ZNF704: variants seen among roughly 807,000 people sequenced by gnomAD.
ZNF704 encodes the protein zinc finger protein 704, also known as glucocorticoid induced gene 1.
A neutral mutation model predicts 44.7 loss-of-function variants in ZNF704; 10 were observed. The ratio of observed to expected loss-of-function variants is 0.22; its 90% CI spans 0.14 to 0.38. ZNF704 has a LOEUF of 0.38. Among genes scored for constraint, ZNF704 ranks in the 10% least tolerant of loss-of-function variants. The pLI is 1.00. For synonymous variants in ZNF704, 211 were observed against 207.6 expected (o/e 1.02, Z -0.14); for missense variants, 390 against 545.5 (o/e 0.71, Z 2.84).
intron 7 of ZNF704, among the ~76,000 whole-genome samples, chr8:80,653,366 AG>A (rs1356179049): frequency 1.3e-5 from 2 of 152,220 alleles, no homozygotes; most frequent in Non-Finnish European, 2.9e-5. Context: ...TTAGGAAAAG[AG>A]GAAGTCAAAT....
intron 2 of ZNF704, among the ~76,000 whole-genome samples, chr8:80,799,918 TA>T (rs997589400): frequency 2.6e-5 from 4 of 151,432 alleles, no homozygotes; most frequent in South Asian, 2.1e-4. Flanking sequence ...CTAAGAGTCA[TA>T]AAAAAAACAA....
chr8:80,813,632 C>T (rs1005439018), intron 2 of ZNF704, among the ~76,000 whole-genome samples: 1 of 152,148 alleles, frequency 6.6e-6, no homozygotes, highest in Non-Finnish European at 1.5e-5. Context: ...AATCCCAGCA[C>T]TTTGGGAGGC....
chr8:80,734,194 G>C (rs913984308), intron 2 of ZNF704, among the ~76,000 whole-genome samples: 3 of 152,134 alleles, frequency 2.0e-5, no homozygotes, highest in African/African-American at 7.2e-5. Context: ...TAGACAAGCT[G>C]GCCATTGCTT....
At chr8:80,681,203 C>A (rs1187529346) in intron 4 of ZNF704, among the ~76,000 whole-genome samples, 1 of 152,038 alleles carries the variant, frequency 6.6e-6, no homozygotes, top group Non-Finnish European at 1.5e-5. Flanking sequence ...TTTTTGTGGA[C>A]ATGTGTTTTC....
At chr8:80,722,364 G>A (rs1303708183) in intron 2 of ZNF704, among the ~76,000 whole-genome samples, 1 of 152,222 alleles carries the variant, frequency 6.6e-6, no homozygotes, top group East Asian at 1.9e-4. Flanking sequence ...TTCCTCATCT[G>A]TAAAACAGGG....
intron 1 of ZNF704, among the ~76,000 whole-genome samples, chr8:80,855,753 G>A (rs1246557565): frequency 2.6e-5 from 4 of 151,994 alleles, no homozygotes; most frequent in South Asian, 4.2e-4. Context: ...AACTACAATT[G>A]TACCCCCATA....
At chr8:80,751,789 C>T (rs1806948369) in intron 2 of ZNF704, among the ~76,000 whole-genome samples, 1 of 152,120 alleles carries the variant, frequency 6.6e-6, no homozygotes, top group Non-Finnish European at 1.5e-5. Flanking sequence ...TTCTTGTTGC[C>T]CAAGCTGGAG....
rs1057445040 is a variant in ZNF704 at position 80,632,742 on chromosome 8, G to A, written c.*8624C>T. 6 of 151,978 alleles carry A rather than the reference G, an allele frequency of 3.9e-5. No individual in the cohort carries two copies. The highest frequency in any genetic ancestry group is 8.8e-5 in the Non-Finnish European group (6 of 67,990). The allele number at this position is 151,978 out of a possible 1,614,324, so 9.4% of individuals were successfully genotyped here. ...TCAAAATCTGTGGTTACCTGCTTTC[G>A]GAACCATAGCTTTCTTCTTTCTTTC... On this transcript the variant is annotated 3_prime_UTR_variant, in exon 9 of 9. Transcript: ENST00000327835.
intron 2 of ZNF704, among the ~76,000 whole-genome samples, chr8:80,810,128 C>A (rs773317122): frequency 1.4e-4 from 21 of 152,300 alleles, no homozygotes; most frequent in Middle Eastern, 6.8e-3. Flanking sequence ...AGTGTCAACA[C>A]TTGTATACAC....
chr8:80,825,438 GACTT>G (rs1328034447), intron 1 of ZNF704, among the ~76,000 whole-genome samples: 59 of 152,142 alleles, frequency 3.9e-4, no homozygotes. Flanking sequence ...AGTCCTTAGA[GACTT>G]ACAAAGAGAC....
In ZNF704 at chr8:80,639,813, AATTTC is replaced by A. The variant is rs1817716095; in HGVS notation, c.*1548_*1552del. On this transcript the variant is annotated 3_prime_UTR_variant, in exon 9 of 9. Coordinates refer to ENST00000327835, the MANE Select transcript of ZNF704 (RefSeq NM_001033723.3). ...ACATATATTAAACTTTCCTCTGTGC[AATTTC>A]ATTTAACATTCCTATGGCTGATCCC... is the stretch of plus-strand genomic sequence containing the variant. 1 of 152,624 alleles carries A rather than the reference AATTTC, an allele frequency of 6.6e-6. No individual in the cohort carries two copies. The highest frequency in any genetic ancestry group is 2.4e-5 in the African/African-American group (1 of 41,434). The allele number at this position is 152,624 out of a possible 1,614,324, so 9.5% of individuals were successfully genotyped here.
chr8:80,855,035 T>C (rs975145941), intron 1 of ZNF704, among the ~76,000 whole-genome samples: 1 of 152,192 alleles, frequency 6.6e-6, no homozygotes, highest in African/African-American at 2.4e-5. Context: ...ATACAGTCTT[T>C]AAGTTATTTA....
intron 4 of ZNF704, among the ~76,000 whole-genome samples, chr8:80,674,760 A>G (rs1393977804): frequency 2.0e-5 from 3 of 152,174 alleles, no homozygotes; most frequent in Non-Finnish European, 2.9e-5. Context: ...TAAATGAACC[A>G]TATCAAACTA....
chr8:80,821,510 C>T lies in ZNF704; in HGVS notation c.85G>A (p.Glu29Lys), dbSNP rs150811079. The T allele has an allele frequency of 9.9e-6, 16 of 1,614,022 alleles. No individual in the cohort carries two copies. Among genetic ancestry groups the T allele is most frequent in the Non-Finnish European group, 1.4e-5 (16 of 1,180,012 alleles). The change falls in exon 2 of 9, where the codon GAG becomes AAG. Residue 29 changes from glutamate (E) to lysine (K), a missense_variant. By Grantham distance (56) the Glu-to-Lys change is moderately conservative. This residue lies in a region of ZNF704 where 80 missense variants were observed against 83.7 expected (regional missense o/e 0.96). Coordinates refer to ENST00000327835, the MANE Select transcript of ZNF704 (RefSeq NM_001033723.3). Reference sequence around the variant, plus strand: ...GTGTCTGCTGTTTTCACATCTTCCTCCATGGCCAAGGAAAACACGTGTTGA... The same window carrying T: ...GTGTCTGCTGTTTTCACATCTTCCTTCATGGCCAAGGAAAACACGTGTTGA... ...SHQHVFSLAM[E>K]EDVKTADTKK...
intron 1 of ZNF704, among the ~76,000 whole-genome samples, chr8:80,836,766 G>C (rs546666299): frequency 6.6e-6 from 1 of 152,064 alleles, no homozygotes; most frequent in Admixed American, 6.5e-5. Context: ...TCCAGCCTGG[G>C]CGACAGAGTG....
At chr8:80,766,150 T>C (rs1433784657) in intron 2 of ZNF704, among the ~76,000 whole-genome samples, 1 of 152,218 alleles carries the variant, frequency 6.6e-6, no homozygotes, top group Non-Finnish European at 1.5e-5. Flanking sequence ...CTTTATCTTA[T>C]GTGACTCGCT....
chr8:80,729,966 C>A (rs1221579046), intron 2 of ZNF704, among the ~76,000 whole-genome samples: 1 of 152,130 alleles, frequency 6.6e-6, no homozygotes, highest in Non-Finnish European at 1.5e-5. Flanking sequence ...CGTGTGCTTG[C>A]CACATGTCTA....
At position 80,720,202 on chromosome 8, in the gene ZNF704, G is replaced by A. The variant is rs149759210; in HGVS notation, c.222-27095C>T. ...CAGCCTCAGTCCATGTGGCATCTGAGGTTGACAAGCTCCCTTGTACGGAGA... is the reference window on the plus strand; with the variant it reads ...CAGCCTCAGTCCATGTGGCATCTGAAGTTGACAAGCTCCCTTGTACGGAGA... On this transcript the variant is annotated intron_variant, in intron 2 of 8. Coordinates refer to ENST00000327835, the MANE Select transcript of ZNF704 (RefSeq NM_001033723.3). 2.4e-3 allele frequency among the ~76,000 whole-genome samples: 367 copies of A among 152,286 alleles called. 3 individuals are homozygous for A. The highest frequency in any genetic ancestry group is 8.4e-3 in the African/African-American group (351 of 41,556).
rs181123029 is a variant in ZNF704, at chr8:80,707,046, C to T, written c.222-13939G>A. Among the ~76,000 whole-genome samples the T allele has an allele frequency of 7.0e-4, 106 of 152,288 alleles. No homozygotes were observed. In the East Asian group the frequency reaches 0.015, roughly 22 times the overall value. On this transcript the variant is annotated intron_variant, in intron 2 of 8. Coordinates refer to ENST00000327835, the MANE Select transcript of ZNF704 (RefSeq NM_001033723.3). ...TAATATTTATTGAGCATTCATGACA[C>T]GTATACACTATTTTAAACTGCCACT...
Sources: allele counts gnomAD v4.1 joint callset (sites outside exome capture counted in the v4.1 genomes callset), GRCh38; gene constraint gnomAD v4.1.1; regional missense constraint gnomAD v4.1.1; transcripts MANE v1.5; gene names NCBI Gene and HGNC (gene_info 2026-07-23, HGNC 2026-07-21).